The following ASTN2 variants were observed in gnomAD, a reference collection of about 807,000 sequenced individuals.
ASTN2 encodes the protein astrotactin 2, also known as astrotactin-2.
ASTN2 carries 54 observed loss-of-function variants against 139.8 expected under a neutral mutation model. The observed-to-expected ratio is 0.39, with a 90% CI of 0.31 to 0.48. The LOEUF is 0.48. ASTN2 is among the 20% of genes least tolerant of loss of function. ASTN2 has a pLI of 0.95. For missense variants in ASTN2, 1,565 were observed against 1,725.1 expected (o/e 0.91, Z 1.64); for synonymous variants, 756 against 719.5 (o/e 1.05, Z -0.81).
intron 13 of ASTN2, among the ~76,000 whole-genome samples, chr9:116,769,810 C>G (rs762531205): frequency 2.0e-5 from 3 of 151,930 alleles, no homozygotes; most frequent in Admixed American, 1.3e-4. Flanking sequence ...GTTGCAAGGT[C>G]GAGGCAGGAG....
At chr9:116,708,242 G>A (rs1468533413) in intron 16 of ASTN2, among the ~76,000 whole-genome samples, 1 of 152,174 alleles carries the variant, frequency 6.6e-6, no homozygotes, top group Non-Finnish European at 1.5e-5. Flanking sequence ...TAGAAAGAAT[G>A]AATGGCATCT....
At chr9:116,774,804 C>A (rs1033639572) in intron 13 of ASTN2, among the ~76,000 whole-genome samples, 1 of 152,304 alleles carries the variant, frequency 6.6e-6, no homozygotes, top group Middle Eastern at 3.4e-3. Flanking sequence ...ATCTCATTTT[C>A]CTCACCATGA....
chr9:116,781,092 G>A (rs1830208270), intron 13 of ASTN2, among the ~76,000 whole-genome samples: 2 of 151,974 alleles, frequency 1.3e-5, no homozygotes, highest in African/African-American at 4.8e-5. Context: ...CGCCCACCTC[G>A]GCCTCCCAAA....
chr9:116,865,323 T>C (rs981018448), intron 10 of ASTN2, among the ~76,000 whole-genome samples: 2 of 150,192 alleles, frequency 1.3e-5, no homozygotes, highest in African/African-American at 2.5e-5. Context: ...TTTTTTAAAT[T>C]ACCAGGGTTT....
chr9:116,530,420 A>G (rs888804651), intron 19 of ASTN2, among the ~76,000 whole-genome samples: 2 of 151,788 alleles, frequency 1.3e-5, no homozygotes, highest in Non-Finnish European at 2.9e-5. Context: ...CCTATTGTAC[A>G]TCATGGTGAC....
Position 116,699,685 on chromosome 9 carries a change from G to A in ASTN2, c.2806+26086C>T. 1.2e-6 allele frequency: 2 copies of A among 1,614,212 alleles called. No homozygotes were observed. Among genetic ancestry groups the A allele is most frequent in the South Asian group, 1.1e-5 (1 of 91,076 alleles). ...ATCAAGATCTACAGCTACCATCTGA[G>A]AAGATATTCCACCCCATAGGGGATG... On this transcript the variant is annotated intron_variant, in intron 16 of 22. Coordinates refer to ENST00000313400, the MANE Select transcript of ASTN2 (RefSeq NM_001365068.1). The surrounding 1 kb of genome is among the most constrained non-coding windows in gnomAD (Gnocchi z 4.2).
At chr9:117,199,247 G>A (rs1831618547) in intron 3 of ASTN2, among the ~76,000 whole-genome samples, 2 of 152,278 alleles carry the variant, frequency 1.3e-5, no homozygotes, top group Admixed American at 6.5e-5. Context: ...TTTTCTTCTA[G>A]AGTTTTTATG....
chr9:117,027,653 T>G (rs1171058748), intron 6 of ASTN2, among the ~76,000 whole-genome samples: 1 of 152,198 alleles, frequency 6.6e-6, no homozygotes, highest in Admixed American at 6.5e-5. Flanking sequence ...TCTTGCTCCT[T>G]GAAGCTTTAC....
chr9:116,824,535 T>A (rs1057387581), intron 11 of ASTN2, among the ~76,000 whole-genome samples: 2 of 152,176 alleles, frequency 1.3e-5, no homozygotes, highest in South Asian at 2.1e-4. Context: ...AGCCTGCAAA[T>A]ACACTATCCA....
intron 19 of ASTN2, among the ~76,000 whole-genome samples, chr9:116,507,688 C>T (rs1429186318): frequency 6.6e-6 from 1 of 152,078 alleles, no homozygotes; most frequent in Non-Finnish European, 1.5e-5. Context: ...GTTCTTGGCA[C>T]CTTCCCACAT....
chr9:117,120,998 T>C (rs1181669919), intron 4 of ASTN2, among the ~76,000 whole-genome samples: 4 of 152,234 alleles, frequency 2.6e-5, no homozygotes, highest in Non-Finnish European at 5.9e-5. Context: ...TACAGGTAAT[T>C]AATACAGCCT....
intron 19 of ASTN2, among the ~76,000 whole-genome samples, chr9:116,540,223 T>G (rs971394091): frequency 6.6e-5 from 10 of 152,178 alleles, no homozygotes; most frequent in Admixed American, 1.3e-4. Flanking sequence ...CTAATTCAAA[T>G]TTTTATTCAT....
intron 15 of ASTN2, among the ~76,000 whole-genome samples, chr9:116,726,256 T>A (rs1185061684): frequency 6.6e-6 from 1 of 152,168 alleles, no homozygotes; most frequent in Non-Finnish European, 1.5e-5. Flanking sequence ...AAAGCTGATA[T>A]CCACTCACTG....
chr9:117,299,945 C>T (rs542809871), intron 1 of ASTN2, among the ~76,000 whole-genome samples: 23 of 152,248 alleles, frequency 1.5e-4, no homozygotes, highest in Non-Finnish European at 1.2e-4. Context: ...ATTACAGAGC[C>T]TCTATGATTT....
At chr9:116,999,457 C>A (rs1837122298) in intron 7 of ASTN2, among the ~76,000 whole-genome samples, 3 of 151,360 alleles carry the variant, frequency 2.0e-5, no homozygotes, top group Non-Finnish European at 2.9e-5. Context: ...TCAAGGTCGA[C>A]TGGCAAATTT....
chr9:116,693,892 G>A (rs951956073), intron 16 of ASTN2, among the ~76,000 whole-genome samples: 3 of 152,106 alleles, frequency 2.0e-5, no homozygotes, highest in African/African-American at 7.2e-5. Context: ...TGGAGGAGAC[G>A]GGCTCTATCT....
At chr9:116,430,798 G>T (rs1402666582) in intron 22 of ASTN2, among the ~76,000 whole-genome samples, 1 of 152,230 alleles carries the variant, frequency 6.6e-6, no homozygotes. Context: ...AGAAGGGTTG[G>T]AGGTGCTCGA....
intron 5 of ASTN2, among the ~76,000 whole-genome samples, chr9:117,081,280 G>A (rs186899503): frequency 4.2e-3 from 644 of 152,224 alleles, no homozygotes; most frequent in Non-Finnish European, 7.7e-3. Flanking sequence ...TTTTCTTCAC[G>A]TGGAGCACTA....
intron 1 of ASTN2, among the ~76,000 whole-genome samples, chr9:117,383,144 G>T (rs966846520): frequency 1.3e-5 from 2 of 152,024 alleles, no homozygotes; most frequent in African/African-American, 4.8e-5. Flanking sequence ...AATAATTATG[G>T]GTCACAAAAT....
Sources: gnomAD v4.1 joint callset for allele counts (sites outside exome capture counted in the v4.1 genomes callset) on GRCh38, gnomAD v4.1.1 for gene constraint, Gnocchi (gnomAD v3.1) non-coding constraint, MANE v1.5 for transcripts, NCBI Gene and HGNC (gene_info 2026-07-23, HGNC 2026-07-21) for gene names.